The following CHN2 variants were observed in gnomAD, a reference collection of about 807,000 sequenced individuals.
The protein encoded by CHN2 is chimerin 2, also known as beta-chimaerin.
In CHN2, 35 loss-of-function variants were observed where a neutral mutation model predicts 56.3. That is an observed-to-expected ratio of 0.62 (90% CI 0.47 to 0.82). The LOEUF (loss-of-function observed/expected upper bound fraction) is 0.82. Ranked by LOEUF, CHN2 falls within the 40% of genes least tolerant of loss-of-function variation. The pLI, the probability that CHN2 is intolerant of heterozygous loss-of-function variation, is 0.00. For missense variants in CHN2, 491 were observed against 580.5 expected (o/e 0.85, Z 1.58); for synonymous variants, 210 against 212.8 (o/e 0.99, Z 0.12).
intron 1 of CHN2, among the ~76,000 whole-genome samples, chr7:29,298,720 A>C (rs1793396108): frequency 6.6e-6 from 1 of 152,234 alleles, no homozygotes; most frequent in Non-Finnish European, 1.5e-5. Flanking sequence ...TCTGAGCTGC[A>C]GCTGGAGATT....
intron 1 of CHN2, among the ~76,000 whole-genome samples, chr7:29,315,559 C>A (rs1056444341): frequency 2.0e-5 from 3 of 152,160 alleles, no homozygotes; most frequent in Admixed American, 2.0e-4. Context: ...TTCACCTCAG[C>A]CTTGTAAAAT....
At chr7:29,453,535 T>A (rs147941267) in intron 6 of CHN2, among the ~76,000 whole-genome samples, 4,127 of 152,038 alleles carry the variant, frequency 0.027, 72 homozygotes, top group Middle Eastern at 0.061. Flanking sequence ...TGAGAGAGAG[T>A]TAGGACGCCC....
intron 1 of CHN2, among the ~76,000 whole-genome samples, chr7:29,263,922 G>C (rs1390747034): frequency 6.6e-6 from 1 of 150,954 alleles, no homozygotes; most frequent in Non-Finnish European, 1.5e-5. Context: ...CTCCCTGTCC[G>C]GGAGCTGGGG....
At chr7:29,297,600 C>A (rs1231136836) in intron 1 of CHN2, among the ~76,000 whole-genome samples, 1 of 152,070 alleles carries the variant, frequency 6.6e-6, no homozygotes, top group East Asian at 1.9e-4. Context: ...AAGGACAGCT[C>A]AAAAATCCCG....
At chr7:29,247,813 C>A (rs1179419398) in intron 1 of CHN2, among the ~76,000 whole-genome samples, 2 of 152,222 alleles carry the variant, frequency 1.3e-5, no homozygotes, top group African/African-American at 2.4e-5. Flanking sequence ...AAAAACACAA[C>A]AAAGCAAAAC....
At chr7:29,329,731 C>T (rs920431587) in intron 1 of CHN2, among the ~76,000 whole-genome samples, 1 of 152,160 alleles carries the variant, frequency 6.6e-6, no homozygotes, top group Non-Finnish European at 1.5e-5. Context: ...TTTGGATGAT[C>T]CTAAAGCGTT....
In CHN2 at chr7:29,407,882, G is replaced by A. The variant is rs531838615; in HGVS notation, c.576+7054G>A. Among the ~76,000 whole-genome samples the A allele has an allele frequency of 9.2e-5, 14 of 152,264 alleles. 1 individual carries two copies. The South Asian group carries it at 2.9e-3, about 32-fold the overall frequency. ...ACTGACTGAAGGTTGGACTCACTCT[G>A]GGAGCTTTTAAAAAAATGCCCATGG... On this transcript the variant is annotated intron_variant, in intron 6 of 12. Coordinates refer to ENST00000222792, the MANE Select transcript of CHN2 (RefSeq NM_004067.4).
At chr7:29,408,919 C>T (rs189004117) in intron 6 of CHN2, among the ~76,000 whole-genome samples, 6 of 152,264 alleles carry the variant, frequency 3.9e-5, no homozygotes, top group Admixed American at 2.0e-4. Flanking sequence ...ACACGGCTCC[C>T]GAGAAAGTAT....
intron 1 of CHN2, among the ~76,000 whole-genome samples, chr7:29,277,919 C>T (rs373737148): frequency 6.6e-6 from 1 of 152,174 alleles, no homozygotes; most frequent in East Asian, 1.9e-4. Flanking sequence ...CCTCAATGAC[C>T]TTGTAAGTTA....
At chr7:29,501,071 A>C (rs916977074) in intron 9 of CHN2, among the ~76,000 whole-genome samples, 2 of 152,114 alleles carry the variant, frequency 1.3e-5, no homozygotes, top group Admixed American at 1.3e-4. Flanking sequence ...TTGTGTCCTA[A>C]TTGGCTTAAT....
In CHN2 at chr7:29,264,138, G is replaced by A. The variant is rs189813595; in HGVS notation, c.49+69148G>A. Among the ~76,000 whole-genome samples, 8 of 144,938 alleles carry A rather than the reference G, an allele frequency of 5.5e-5. No homozygotes were observed. The East Asian group carries it at 7.9e-4, about 14-fold the overall frequency. ...AAGTGAGGAGCCCCTCTGCCCGGCC[G>A]CCACCCCGTCTGGGAGGTGGGGGGC... On this transcript the variant is annotated intron_variant, in intron 1 of 12. Transcript: ENST00000222792.
chr7:29,322,420 C>A (rs1795428800), intron 1 of CHN2, among the ~76,000 whole-genome samples: 1 of 152,176 alleles, frequency 6.6e-6, no homozygotes, highest in Admixed American at 6.5e-5. Context: ...CAGCCTTTGC[C>A]AAATCTCCCC....
chr7:29,310,643 G>A (rs1409807641), intron 1 of CHN2, among the ~76,000 whole-genome samples: 2 of 152,172 alleles, frequency 1.3e-5, no homozygotes, highest in Admixed American at 6.5e-5. Context: ...TCACAGAGTG[G>A]GTGGCTTATA....
At chr7:29,452,879 G>A (rs1784499643) in intron 6 of CHN2, among the ~76,000 whole-genome samples, 1 of 152,180 alleles carries the variant, frequency 6.6e-6, no homozygotes, top group Non-Finnish European at 1.5e-5. Context: ...TTCTCATCCC[G>A]ACTCCACTGC....
chr7:29,512,500 A>ATCAATACATAAAATC, intron 12 of CHN2, 64 bp from the exon 13 acceptor site: 1 of 1,419,280 alleles, frequency 7.0e-7, no homozygotes, highest in South Asian at 1.4e-5. Flanking sequence ...TACATACATA[A>ATCAATACATAAAATC]TCAATACATA....
At chr7:29,302,487 C>G (rs921502292) in intron 1 of CHN2, among the ~76,000 whole-genome samples, 3 of 144,432 alleles carry the variant, frequency 2.1e-5, no homozygotes, top group African/African-American at 7.9e-5. Flanking sequence ...TCACACCCAG[C>G]TAAATTTTAA....
chr7:29,253,040 T>A (rs754428936), intron 1 of CHN2, among the ~76,000 whole-genome samples: 18 of 152,192 alleles, frequency 1.2e-4, no homozygotes, highest in Non-Finnish European at 7.3e-5. Flanking sequence ...AAGTCGATTC[T>A]TAGTCATCCA....
At chr7:29,212,121 G>A (rs1181551055) in intron 1 of CHN2, among the ~76,000 whole-genome samples, 3 of 152,104 alleles carry the variant, frequency 2.0e-5, no homozygotes, top group African/African-American at 4.8e-5. Flanking sequence ...AGAATGCTGG[G>A]CTGGACTGAG....
chr7:29,242,557 A>T (rs536576825), intron 1 of CHN2, among the ~76,000 whole-genome samples: 2 of 151,760 alleles, frequency 1.3e-5, no homozygotes, highest in African/African-American at 4.8e-5. Context: ...TTCTTTCTAG[A>T]ACTGGGTTCA....
Sources: allele counts gnomAD v4.1 joint callset (sites outside exome capture counted in the v4.1 genomes callset), GRCh38; gene constraint gnomAD v4.1.1; transcripts MANE v1.5; gene names NCBI Gene and HGNC (gene_info 2026-07-23, HGNC 2026-07-21).